The following MACROD2 variants were observed in gnomAD, a reference collection of about 807,000 sequenced individuals.
MACROD2 encodes ADP-ribose glycohydrolase MACROD2.
In MACROD2, 36 loss-of-function variants were observed where a neutral mutation model predicts 70.4. That is an observed-to-expected ratio of 0.51 (90% CI 0.39 to 0.68). MACROD2 has a LOEUF of 0.68. Ranked by LOEUF, MACROD2 falls within the 30% of genes least tolerant of loss-of-function variation. The pLI is 0.00. For missense variants in MACROD2, 496 were observed against 538.4 expected (o/e 0.92, Z 0.78); for synonymous variants, 172 against 178.8 (o/e 0.96, Z 0.30).
chr20:14,250,131 C>T (rs1440836636), intron 3 of MACROD2, among the ~76,000 whole-genome samples: 2 of 150,312 alleles, frequency 1.3e-5, no homozygotes, highest in African/African-American at 4.9e-5. Flanking sequence ...CTTTTTCCAG[C>T]CAAGACTGAC....
chr20:15,200,347 T>G (rs1386223924), intron 5 of MACROD2, among the ~76,000 whole-genome samples: 1 of 152,220 alleles, frequency 6.6e-6, no homozygotes, highest in East Asian at 1.9e-4. Context: ...TCAATCTGGT[T>G]TTCTTTGCAA....
chr20:15,684,070 C>G (rs1388629164), intron 8 of MACROD2, among the ~76,000 whole-genome samples: 3 of 152,252 alleles, frequency 2.0e-5, no homozygotes, highest in Admixed American at 6.5e-5. Context: ...TTTAAACTAT[C>G]CTTCTGTGTG....
At chr20:15,015,406 G>A (rs961358074) in intron 5 of MACROD2, among the ~76,000 whole-genome samples, 25 of 151,146 alleles carry the variant, frequency 1.7e-4, no homozygotes, top group African/African-American at 5.8e-4. Flanking sequence ...ACTGTACTGT[G>A]ACTTTTGAGC....
chr20:14,854,470 C>T (rs939059110), intron 5 of MACROD2, among the ~76,000 whole-genome samples: 2 of 152,116 alleles, frequency 1.3e-5, no homozygotes, highest in African/African-American at 4.8e-5. Context: ...GAATGTCCTA[C>T]TAAGCATGGT....
intron 6 of MACROD2, among the ~76,000 whole-genome samples, chr20:15,259,929 T>A (rs1287921827): frequency 6.6e-6 from 1 of 151,860 alleles, no homozygotes; most frequent in Non-Finnish European, 1.5e-5. Flanking sequence ...TGGGATGGAA[T>A]AGAATGAAAT....
intron 5 of MACROD2, among the ~76,000 whole-genome samples, chr20:14,926,494 G>A (rs1257878661): frequency 6.6e-6 from 1 of 151,664 alleles, no homozygotes; most frequent in Non-Finnish European, 1.5e-5. Flanking sequence ...AGGTTGCAGT[G>A]AGCCGAGATT....
At chr20:15,373,771 A>G (rs555861417) in intron 6 of MACROD2, among the ~76,000 whole-genome samples, 1 of 152,282 alleles carries the variant, frequency 6.6e-6, no homozygotes, top group African/African-American at 2.4e-5. Flanking sequence ...TTATAGATTA[A>G]TTTTATGATA....
At chr20:14,465,460 G>A (rs1338081518) in intron 3 of MACROD2, among the ~76,000 whole-genome samples, 1 of 152,052 alleles carries the variant, frequency 6.6e-6, no homozygotes, top group Non-Finnish European at 1.5e-5. Context: ...CCTGAATACA[G>A]CACACTGATG....
At chr20:15,104,034 G>A (rs985181234) in intron 5 of MACROD2, among the ~76,000 whole-genome samples, 12 of 152,126 alleles carry the variant, frequency 7.9e-5, no homozygotes, top group African/African-American at 2.9e-4. Context: ...GCTTTTTCTA[G>A]GGTTGGGACA....
intron 8 of MACROD2, among the ~76,000 whole-genome samples, chr20:15,695,702 C>T (rs1295991142): frequency 6.6e-6 from 1 of 152,180 alleles, no homozygotes; most frequent in Non-Finnish European, 1.5e-5. Context: ...AGCCACCAAG[C>T]CCAAAAGTCT....
chr20:15,355,878 C>T (rs76913684), intron 6 of MACROD2, among the ~76,000 whole-genome samples: 1 of 151,972 alleles, frequency 6.6e-6, no homozygotes, highest in Non-Finnish European at 1.5e-5. Flanking sequence ...AGCATTAGGC[C>T]CCTATAAAAT....
intron 4 of MACROD2, among the ~76,000 whole-genome samples, chr20:14,598,933 A>G (rs1228410711): frequency 6.6e-6 from 1 of 152,194 alleles, no homozygotes. Context: ...TTATATTATA[A>G]TTATATGAAT....
chr20:14,092,143 G>A (rs2054158079), intron 3 of MACROD2, among the ~76,000 whole-genome samples: 1 of 152,010 alleles, frequency 6.6e-6, no homozygotes, highest in African/African-American at 2.4e-5. Flanking sequence ...GTTGTAATAG[G>A]TGTGTGTTAA....
rs113744880 is a variant in MACROD2, at chr20:15,873,732, G to A, written c.727+10906G>A. Reference sequence around the variant, plus strand: ...AGGAGAAAAGGGAAGATGAAAGGACGAAAAGTCCGAAGGTTTAAAAATAGA... The same window carrying A: ...AGGAGAAAAGGGAAGATGAAAGGACAAAAAGTCCGAAGGTTTAAAAATAGA... On this transcript the variant is annotated intron_variant, in intron 9 of 17. Coordinates refer to ENST00000684519, the MANE Select transcript of MACROD2 (RefSeq NM_001351661.2). Among the ~76,000 whole-genome samples the A allele has an allele frequency of 2.7e-3, 409 of 151,994 alleles. 3 individuals carry two copies. The highest frequency in any genetic ancestry group is 9.2e-3 in the African/African-American group (380 of 41,496).
chr20:15,729,735 T>G (rs571927158), intron 8 of MACROD2, among the ~76,000 whole-genome samples: 19 of 152,240 alleles, frequency 1.2e-4, no homozygotes, highest in Non-Finnish European at 2.5e-4. Flanking sequence ...GTTTTCCATT[T>G]GCTTAGTAAA....
At chr20:15,279,311 C>T (rs949121922) in intron 6 of MACROD2, among the ~76,000 whole-genome samples, 5 of 152,076 alleles carry the variant, frequency 3.3e-5, no homozygotes, top group East Asian at 1.9e-4. Flanking sequence ...AGAGGCATCT[C>T]GGAGAACACC....
At chr20:15,487,028 G>C (rs2047171586) in intron 7 of MACROD2, among the ~76,000 whole-genome samples, 1 of 152,120 alleles carries the variant, frequency 6.6e-6, no homozygotes, top group African/African-American at 2.4e-5. Flanking sequence ...TTTCATTTCA[G>C]GTACCTGTCT....
intron 5 of MACROD2, among the ~76,000 whole-genome samples, chr20:15,159,828 C>T (rs1378698589): frequency 6.6e-6 from 1 of 151,850 alleles, no homozygotes; most frequent in East Asian, 1.9e-4. Context: ...ACAAGCAAGG[C>T]ACTGTTGGAG....
At chr20:14,764,069 C>T (rs532638208) in intron 5 of MACROD2, among the ~76,000 whole-genome samples, 1 of 152,128 alleles carries the variant, frequency 6.6e-6, no homozygotes, top group South Asian at 2.1e-4. Context: ...CTATCTATGT[C>T]CCCAAGAGGC....
Sources: gnomAD v4.1 joint callset for allele counts (sites outside exome capture counted in the v4.1 genomes callset) on GRCh38, gnomAD v4.1.1 for gene constraint, MANE v1.5 for transcripts, NCBI Gene and HGNC (gene_info 2026-07-23, HGNC 2026-07-21) for gene names.